LRRC7: variants seen among roughly 807,000 people sequenced by gnomAD.
The protein encoded by LRRC7 is leucine-rich repeat-containing protein 7.
LRRC7 carries 23 observed loss-of-function variants against 175.7 expected under a neutral mutation model. The observed-to-expected ratio is 0.13, with a 90% CI of 0.09 to 0.19. The LOEUF is 0.19. LRRC7 is among the 10% of genes least tolerant of loss of function. The probability of loss-of-function intolerance (pLI) is 1.00; values close to 1 mark genes in which losing one functional copy is unlikely to be tolerated. For missense variants in LRRC7, 1,354 were observed against 1,904.7 expected (o/e 0.71, Z 5.38); for synonymous variants, 685 against 680.9 (o/e 1.01, Z -0.09).
At chr1:69,648,496 A>G (rs1222422968) in intron 1 of LRRC7, among the ~76,000 whole-genome samples, 3 of 152,172 alleles carry the variant, frequency 2.0e-5, no homozygotes, top group Admixed American at 2.0e-4. Flanking sequence ...GCAATTAACC[A>G]GTGGGAGACA....
chr1:69,595,334 C>T (rs544605266), intron 1 of LRRC7, among the ~76,000 whole-genome samples: 2 of 152,106 alleles, frequency 1.3e-5, no homozygotes, highest in Admixed American at 6.6e-5. Flanking sequence ...GCAGGAGAAT[C>T]GCTTGAACCC....
intron 7 of LRRC7, among the ~76,000 whole-genome samples, chr1:69,883,741 G>C (rs1686878014): frequency 1.1e-5 from 1 of 92,072 alleles, no homozygotes; most frequent in South Asian, 3.4e-4. Context: ...GGTTTTTATG[G>C]TTTTAGGTCT....
At chr1:69,805,141 C>T (rs1284564046) in intron 4 of LRRC7, among the ~76,000 whole-genome samples, 3 of 151,704 alleles carry the variant, frequency 2.0e-5, no homozygotes, top group African/African-American at 7.3e-5. Context: ...TCATGAAAGG[C>T]AATCAGAATT....
Position 70,036,584 on chromosome 1 carries a change from A to G in LRRC7, c.2248A>G (p.Thr750Ala). 6.2e-7 allele frequency: 1 copy of G among 1,614,044 alleles called. No homozygotes were observed. Among genetic ancestry groups the G allele is most frequent in the Non-Finnish European group, 8.5e-7 (1 of 1,179,938 alleles). The stretch of plus-strand genomic sequence containing the variant: ...GGTTAAAGTGGGGTCCTTGCAGACA[A>G]CAGCTAAAGATGCAGTACATAATTC... ...TRVKVGSLQT[T>A]AKDAVHNSLW... Residue 750 changes from threonine (T) to alanine (A), a missense_variant, in exon 20 of 27, where the codon ACA becomes GCA. By Grantham distance (58) the Thr-to-Ala change is moderately conservative (BLOSUM62 0). Around this residue, in one of 4 missense-constraint regions of LRRC7, gnomAD observed 1,032 missense variants for 1,227.2 expected, o/e 0.84. Coordinates refer to ENST00000651989, the MANE Select transcript of LRRC7 (RefSeq NM_001370785.2).
At chr1:70,016,652 A>C (rs1217096532) in intron 14 of LRRC7, 118 bp downstream of exon 14, 7 of 746,874 alleles carry the variant, frequency 9.4e-6, no homozygotes, top group Middle Eastern at 4.2e-4. Context: ...GATTGTTTTT[A>C]TCCCCAGAAA....
At chr1:70,006,501 A>G (rs1387426898) in intron 11 of LRRC7, among the ~76,000 whole-genome samples, 1 of 151,812 alleles carries the variant, frequency 6.6e-6, no homozygotes, top group Non-Finnish European at 1.5e-5. Flanking sequence ...GAAAGAAATC[A>G]CCAATATGTG....
intron 7 of LRRC7, among the ~76,000 whole-genome samples, chr1:69,924,439 A>G (rs915940995): frequency 2.6e-5 from 4 of 152,152 alleles, no homozygotes; most frequent in African/African-American, 4.8e-5. Context: ...CCATGAGCAT[A>G]GAATGTTCTT....
intron 25 of LRRC7, among the ~76,000 whole-genome samples, chr1:70,099,727 A>G (rs923196008): frequency 6.6e-6 from 1 of 152,094 alleles, no homozygotes; most frequent in Non-Finnish European, 1.5e-5. Flanking sequence ...ACAGCCTCCT[A>G]CAGTTCCCAC....
chr1:69,717,857 A>AAAAGAAAGAAAG (rs1665702770), intron 2 of LRRC7, among the ~76,000 whole-genome samples: 1 of 100,162 alleles, frequency 1.0e-5, no homozygotes, highest in Non-Finnish European at 2.2e-5. Flanking sequence ...AAGAAAGGAA[A>AAAAGAAAGAAAG]GAAAGAAAGA....
chr1:69,698,865 A>C (rs1159811863), intron 2 of LRRC7, among the ~76,000 whole-genome samples: 1 of 152,184 alleles, frequency 6.6e-6, no homozygotes, highest in Non-Finnish European at 1.5e-5. Flanking sequence ...TCAATGCTTT[A>C]GTCTTCATTC....
chr1:69,956,628 G>T (rs1650515252), intron 8 of LRRC7, among the ~76,000 whole-genome samples: 1 of 151,540 alleles, frequency 6.6e-6, no homozygotes. Flanking sequence ...TCCAGCAATA[G>T]TTACATCATT....
At chr1:70,016,662 A>G in intron 14 of LRRC7, 128 bp downstream of exon 14, 1 of 673,522 alleles carries the variant, frequency 1.5e-6, no homozygotes, top group Non-Finnish European at 2.2e-6. Context: ...ATCCCCAGAA[A>G]GAGAGAATTT....
At position 69,635,108 on chromosome 1, in the gene LRRC7, G is replaced by A. The variant is rs577455873; in HGVS notation, c.3-43273G>A. Among the ~76,000 whole-genome samples, 12 of 151,992 alleles carry A rather than the reference G, an allele frequency of 7.9e-5. No individual in the cohort carries two copies. In the South Asian group the frequency reaches 1.7e-3, roughly 21 times the overall value. On this transcript the variant is annotated intron_variant, in intron 1 of 26. Transcript: ENST00000651989. The stretch of plus-strand genomic sequence containing the variant: ...CCTCCACCCTCCAAAAGGCACCAGC[G>A]TTTGTTCCCCTCTATGTGTCCTTGT...
chr1:69,643,596 T>C (rs1373434295), intron 1 of LRRC7, among the ~76,000 whole-genome samples: 2 of 152,148 alleles, frequency 1.3e-5, no homozygotes, highest in Admixed American at 1.3e-4. Flanking sequence ...TTATTAACCA[T>C]AGGAAAGTTT....
intron 4 of LRRC7, among the ~76,000 whole-genome samples, chr1:69,806,010 T>C (rs1677073659): frequency 6.6e-6 from 1 of 151,862 alleles, no homozygotes; most frequent in Admixed American, 6.6e-5. Flanking sequence ...CAGTAGATCC[T>C]TAAAAAAAAA....
chr1:70,027,523 T>G (rs1283154596), intron 17 of LRRC7, among the ~76,000 whole-genome samples: 4 of 152,160 alleles, frequency 2.6e-5, no homozygotes, highest in Admixed American at 6.6e-5. Context: ...CTCTTCATTA[T>G]AAGATATTAC....
Position 70,125,372 on chromosome 1 carries a change from A to C in LRRC7, c.*3485A>C, listed in dbSNP as rs1305170732. On this transcript the variant is annotated 3_prime_UTR_variant, in exon 27 of 27. Coordinates refer to ENST00000651989, the MANE Select transcript of LRRC7 (RefSeq NM_001370785.2). Reference sequence around the variant, plus strand: ...CTTGGATCACGACCTTTGAGATGGAAAACAGCTTTGAGGAGAGACTGACAA... The same window carrying C: ...CTTGGATCACGACCTTTGAGATGGACAACAGCTTTGAGGAGAGACTGACAA... Among the ~76,000 whole-genome samples, 1 of 152,220 alleles carries C rather than the reference A, an allele frequency of 6.6e-6. No individual in the cohort carries two copies. Among genetic ancestry groups the C allele is most frequent in the Non-Finnish European group, 1.5e-5 (1 of 68,024 alleles).
At chr1:69,571,513 T>A (rs1367540835) in intron 1 of LRRC7, among the ~76,000 whole-genome samples, 1 of 152,190 alleles carries the variant, frequency 6.6e-6, no homozygotes, top group Non-Finnish European at 1.5e-5. Flanking sequence ...TAAACTATAT[T>A]ATCTATATGA....
chr1:69,761,676 T>G (rs1671052472), intron 3 of LRRC7, among the ~76,000 whole-genome samples: 1 of 151,964 alleles, frequency 6.6e-6, no homozygotes, highest in Admixed American at 6.6e-5. Flanking sequence ...GCACATCAAC[T>G]AAAGCCTGGA....
Sources: gnomAD v4.1 joint callset for allele counts (sites outside exome capture counted in the v4.1 genomes callset) on GRCh38, gnomAD v4.1.1 for gene constraint, gnomAD v4.1.1 regional missense constraint, MANE v1.5 for transcripts, NCBI Gene and HGNC (gene_info 2026-07-23, HGNC 2026-07-21) for gene names.